ATAT1: variants seen among roughly 807,000 people sequenced by gnomAD.
ATAT1 encodes the protein alpha tubulin acetyltransferase 1.
In ATAT1, 42 loss-of-function variants were observed where a neutral mutation model predicts 57.2. That is an observed-to-expected ratio of 0.73 (90% CI 0.57 to 0.95). The LOEUF (loss-of-function observed/expected upper bound fraction) is 0.95. Among genes scored for constraint, ATAT1 ranks in the 40% least tolerant of loss-of-function variants. The probability of loss-of-function intolerance (pLI) is 0.00; values close to 1 mark genes in which losing one functional copy is unlikely to be tolerated. For missense variants in ATAT1, 454 were observed against 523.7 expected (o/e 0.87, Z 1.30); for synonymous variants, 168 against 187.1 (o/e 0.90, Z 0.83).
chr6:30,642,177 T>G lies in ATAT1; in HGVS notation c.618T>G (p.Ala206=). 1.2e-6 allele frequency: 2 copies of G among 1,614,032 alleles called. No homozygotes were observed. Among genetic ancestry groups the G allele is most frequent in the Non-Finnish European group, 8.5e-7 (1 of 1,180,000 alleles). ...TGCCTATGTCCCCTCCACTGCCAGC[T>G]CCAGCAAGGAAGCTGCCACCCAAGA... The change falls in exon 9 of 13, where the codon GCT becomes GCG. Residue 206 remains alanine (A), a splice_region_variant and synonymous_variant. Coordinates refer to ENST00000330083, the MANE Select transcript of ATAT1 (RefSeq NM_001031722.4).
At chr6:30,634,229 A>T (rs1240267306) in intron 6 of ATAT1, among the ~76,000 whole-genome samples, 1 of 152,010 alleles carries the variant, frequency 6.6e-6, no homozygotes. Context: ...TTTACATTTT[A>T]TATTTTTGTA....
intron 6 of ATAT1, among the ~76,000 whole-genome samples, chr6:30,636,753 A>G (rs1367338755): frequency 2.6e-5 from 4 of 152,034 alleles, no homozygotes; most frequent in Non-Finnish European, 5.9e-5. Flanking sequence ...GTCTTCCTAC[A>G]GTATATTTTT....
chr6:30,627,847 A>G lies in ATAT1; in HGVS notation c.225-4A>G, dbSNP rs1334774935. On this transcript the variant is annotated splice_region_variant and splice_polypyrimidine_tract_variant and intron_variant, in intron 3 of 12. Transcript: ENST00000330083. ...GCCTGTTCATTATTTTCCCCGTCCT[A>G]CAGGGCTGGAAAAGGAGCCATTATT... 6.2e-7 allele frequency: 1 copy of G among 1,612,858 alleles called. No individual in the cohort carries two copies. The highest frequency in any genetic ancestry group is 8.5e-7 in the Non-Finnish European group (1 of 1,179,906).
chr6:30,642,833 G>GAGC lies in ATAT1; in HGVS notation c.754_755insAGC (p.Ala252delinsGluPro). 2.6e-6 allele frequency: 4 copies of GAGC among 1,537,874 alleles called. No individual in the cohort carries two copies. The highest frequency in any genetic ancestry group is 2.3e-5 in the South Asian group (2 of 86,358). On this transcript the variant is annotated protein_altering_variant, in exon 10 of 13. Transcript: ENST00000330083. Reference sequence around the variant, plus strand: ...GGCCCCTCGCCGCGCCACACCTCCAGCCCACCCACCCCCCCGCTCCAGCAG... The same window carrying GAGC: ...GGCCCCTCGCCGCGCCACACCTCCAGAGCCCCACCCACCCCCCCGCTCCAGCAG...
intron 8 of ATAT1, chr6:30,641,963 C>T (rs1765541829): frequency 1.4e-6 from 2 of 1,408,078 alleles, no homozygotes; most frequent in Non-Finnish European, 9.3e-7. Flanking sequence ...CTGTGTTTGG[C>T]CTACTCCTTC....
At chr6:30,646,179 T>C in intron 12 of ATAT1, 70 bp downstream of exon 12, 1 of 1,563,078 alleles carries the variant, frequency 6.4e-7, no homozygotes. Context: ...TCATTCTCAG[T>C]CACTTCCTAC....
chr6:30,627,164 G>A lies in ATAT1; in HGVS notation c.-40G>A. Reference sequence around the variant, plus strand: ...GTGGGATTGATCAGCGCTTGGATCTGTGACCTTTCACCCCGGGCCCAAAAT... The same window carrying A: ...GTGGGATTGATCAGCGCTTGGATCTATGACCTTTCACCCCGGGCCCAAAAT... On this transcript the variant is annotated 5_prime_UTR_variant, in exon 1 of 13. Coordinates refer to ENST00000330083, the MANE Select transcript of ATAT1 (RefSeq NM_001031722.4). 3 of 1,613,008 alleles carry A rather than the reference G, an allele frequency of 1.9e-6. No homozygotes were observed. The highest frequency in any genetic ancestry group is 2.5e-6 in the Non-Finnish European group (3 of 1,179,410).
intron 4 of ATAT1, 54 bp downstream of exon 4, chr6:30,627,965 G>C (rs764827749): frequency 4.8e-5 from 78 of 1,609,038 alleles, no homozygotes; most frequent in Non-Finnish European, 6.2e-5. Context: ...GAGAACAAAA[G>C]TGCTGGAGGT....
intron 11 of ATAT1, 34 bp downstream of exon 11, chr6:30,646,008 G>C: frequency 6.2e-7 from 1 of 1,604,436 alleles, no homozygotes; most frequent in Non-Finnish European, 8.5e-7. Context: ...CTCAAATCAA[G>C]TAGGCCACAT....
At chr6:30,638,302 T>G (rs1764597863) in intron 6 of ATAT1, among the ~76,000 whole-genome samples, 1 of 151,274 alleles carries the variant, frequency 6.6e-6, no homozygotes, top group African/African-American at 2.4e-5. Context: ...CCATTAAACT[T>G]TTTTTTTTGA....
At chr6:30,638,301 T>TC (rs1764597142) in intron 6 of ATAT1, among the ~76,000 whole-genome samples, 1 of 149,532 alleles carries the variant, frequency 6.7e-6, no homozygotes, top group African/African-American at 2.5e-5. Context: ...CCCATTAAAC[T>TC]TTTTTTTTTG....
At chr6:30,630,560 C>T (rs183299316) in intron 6 of ATAT1, among the ~76,000 whole-genome samples, 54 of 150,604 alleles carry the variant, frequency 3.6e-4, no homozygotes, top group Non-Finnish European at 6.4e-4. Flanking sequence ...CACTTGAACC[C>T]GGGAGGCAGA....
At position 30,628,059 on chromosome 6, in the gene ATAT1, G is replaced by C. The variant is rs1390378614; in HGVS notation, c.313G>C (p.Glu105Gln). 2 of 1,613,040 alleles carry C rather than the reference G, an allele frequency of 1.2e-6. No individual in the cohort carries two copies. The highest frequency in any genetic ancestry group is 2.2e-5 in the South Asian group (2 of 91,080). ...TGATCGTGAGGCTCATAATGAGGTA[G>C]AACCACTTTGCATCCTGGACTTTTA... The change falls in exon 5 of 13, where the codon GAA becomes CAA. Residue 105 changes from glutamate to glutamine, a missense_variant. Glu to Gln is a conservative substitution (Grantham distance 29). Around this residue, in one of 3 missense-constraint regions of ATAT1, gnomAD observed 236 missense variants for 284.5 expected, o/e 0.83. Transcript: ENST00000330083.
rs200190404 is a variant in ATAT1 at position 30,645,943 on chromosome 6, TG to T, written c.988del (p.Val330Ter). On this transcript the variant is annotated frameshift_variant, in exon 11 of 13. Coordinates refer to ENST00000330083, the MANE Select transcript of ATAT1 (RefSeq NM_001031722.4). LOFTEE classifies it high-confidence loss of function. Reference sequence around the variant, plus strand: ...CCCAAAGCTGCTGCTACAGCCGCCATGGGGGGGTGAATTCCTCATCCCCCAA... The same window carrying T: ...CCCAAAGCTGCTGCTACAGCCGCCATGGGGGGTGAATTCCTCATCCCCCAA... 1.9e-5 allele frequency: 29 copies of T among 1,538,978 alleles called. No homozygotes were observed. Among genetic ancestry groups the T allele is most frequent in the Middle Eastern group, 1.7e-4 (1 of 5,730 alleles).
At chr6:30,633,974 G>A (rs1274885400) in intron 6 of ATAT1, 1 of 162,664 alleles carries the variant, frequency 6.1e-6, no homozygotes, top group Non-Finnish European at 1.5e-5. Context: ...AAAAAGAAAA[G>A]TTAAACTTTA....
chr6:30,642,059 C>T, intron 8 of ATAT1, 117 bp from the exon 9 acceptor site: 2 of 1,569,892 alleles, frequency 1.3e-6, no homozygotes, highest in Non-Finnish European at 1.7e-6. Flanking sequence ...TGCAAGTTCT[C>T]AGGAGGAACT....
intron 6 of ATAT1, among the ~76,000 whole-genome samples, chr6:30,630,152 A>T (rs1297882489): frequency 6.6e-6 from 1 of 152,130 alleles, no homozygotes; most frequent in Non-Finnish European, 1.5e-5. Context: ...CTCTGTCTCT[A>T]CAAAAAATAC....
chr6:30,642,649 GAAAAAAAAA>G (rs377430159), intron 9 of ATAT1, 110 bp from the exon 10 acceptor site: 2 of 594,214 alleles, frequency 3.4e-6, no homozygotes, highest in Admixed American at 3.4e-5. Flanking sequence ...TCTCAAAAAA[GAAAAAAAAA>G]AAAAAGAAAG....
At chr6:30,628,579 A>C (rs1309235480) in intron 6 of ATAT1, 149 bp downstream of exon 6, 1 of 683,862 alleles carries the variant, frequency 1.5e-6, no homozygotes, top group Non-Finnish European at 2.4e-6. Flanking sequence ...ACCATCTCTC[A>C]TCCTGTAGTG....
Sources: allele counts gnomAD v4.1 joint callset (sites outside exome capture counted in the v4.1 genomes callset), GRCh38; gene constraint gnomAD v4.1.1; regional missense constraint gnomAD v4.1.1; transcripts MANE v1.5; gene names NCBI Gene and HGNC (gene_info 2026-07-23, HGNC 2026-07-21).